ADGRV1: variants seen among roughly 807,000 people sequenced by gnomAD.
ADGRV1 encodes the protein G-protein coupled receptor 98.
Under a neutral mutation model 596.2 loss-of-function variants are expected in ADGRV1, and 359 were observed. That is an observed-to-expected ratio of 0.60 (90% confidence interval 0.55 to 0.66). The LOEUF is 0.66. Ranked by LOEUF, ADGRV1 falls within the 30% of genes least tolerant of loss-of-function variation. ADGRV1 has a pLI of 0.00. For synonymous variants in ADGRV1, 2,681 were observed against 2,679.2 expected (o/e 1.00, Z -0.02); for missense variants, 7,274 against 7,575.6 (o/e 0.96, Z 1.48).
At chr5:91,116,865 C>T (rs1792893227) in intron 87 of ADGRV1, among the ~76,000 whole-genome samples, 1 of 152,092 alleles carries the variant, frequency 6.6e-6, no homozygotes, top group Admixed American at 6.6e-5. Flanking sequence ...TTTAATTTGG[C>T]ATGTGATACT....
intron 87 of ADGRV1, among the ~76,000 whole-genome samples, chr5:91,126,579 C>T (rs1793778112): frequency 1.3e-5 from 2 of 152,290 alleles, no homozygotes; most frequent in East Asian, 1.9e-4. Context: ...AAGGTAAAGC[C>T]GGTACCTCAG....
chr5:91,110,674 A>T (rs748162527), intron 87 of ADGRV1, among the ~76,000 whole-genome samples: 1 of 152,220 alleles, frequency 6.6e-6, no homozygotes, highest in Non-Finnish European at 1.5e-5. Flanking sequence ...AGTAGCCAGC[A>T]GTAATAGACA....
At chr5:90,757,196 T>A in intron 57 of ADGRV1, 35 bp downstream of exon 57, 1 of 1,584,548 alleles carries the variant, frequency 6.3e-7, no homozygotes, top group Non-Finnish European at 8.7e-7. Context: ...CCTTTTTGAG[T>A]TGTGCTTCAG....
intron 74 of ADGRV1, among the ~76,000 whole-genome samples, chr5:90,814,985 T>C (rs1199140141): frequency 4.9e-5 from 2 of 40,984 alleles, no homozygotes; most frequent in African/African-American, 1.4e-4. Flanking sequence ...TGTTCCAGTT[T>C]AAACATTTTT....
chr5:90,603,320 A>C (rs960464416), intron 1 of ADGRV1, among the ~76,000 whole-genome samples: 1 of 152,188 alleles, frequency 6.6e-6, no homozygotes, highest in Non-Finnish European at 1.5e-5. Flanking sequence ...TAAGTTCTCA[A>C]TGTTTCCATC....
chr5:91,103,139 A>T (rs572911757), intron 87 of ADGRV1, among the ~76,000 whole-genome samples: 1 of 152,038 alleles, frequency 6.6e-6, no homozygotes, highest in East Asian at 1.9e-4. Flanking sequence ...TTGAAATGTG[A>T]CTCCAGTCAT....
chr5:90,810,651 G>A lies in ADGRV1; in HGVS notation c.15391G>A (p.Ala5131Thr). The part of the protein sequence containing the change: ...VITILDNDDL[A>T]GMDISFPETT... ...TACAATATTGGATAATGATGACCTGGCAGGAATGGATATTTCCTTCCCCGA... is the reference window on the plus strand; with the variant it reads ...TACAATATTGGATAATGATGACCTGACAGGAATGGATATTTCCTTCCCCGA... The change falls in exon 74 of 90, where the codon GCA becomes ACA. Residue 5131 changes from alanine to threonine, a missense_variant. Ala to Thr is a moderately conservative substitution (Grantham distance 58). Transcript: ENST00000405460. 1.2e-6 allele frequency: 2 copies of A among 1,613,854 alleles called. No homozygotes were observed. The highest frequency in any genetic ancestry group is 2.2e-5 in the South Asian group (2 of 91,076).
chr5:90,604,256 C>G (rs1000583992), intron 1 of ADGRV1, among the ~76,000 whole-genome samples: 3 of 152,080 alleles, frequency 2.0e-5, no homozygotes, highest in African/African-American at 7.2e-5. Context: ...ACACATATCT[C>G]TAGGCATCTG....
At chr5:90,958,748 T>C (rs546299887) in intron 83 of ADGRV1, among the ~76,000 whole-genome samples, 233 of 152,296 alleles carry the variant, frequency 1.5e-3, no homozygotes, top group South Asian at 7.1e-3. Flanking sequence ...TTAGGACCCA[T>C]TCTAAAGACC....
At chr5:90,597,551 A>T (rs1315095961) in intron 1 of ADGRV1, among the ~76,000 whole-genome samples, 1 of 152,146 alleles carries the variant, frequency 6.6e-6, no homozygotes, top group African/African-American at 2.4e-5. Context: ...GCACTGGGAG[A>T]CTTTTACAGG....
intron 1 of ADGRV1, among the ~76,000 whole-genome samples, chr5:90,596,425 A>G (rs536005293): frequency 0.015 from 2,213 of 151,730 alleles, 45 homozygotes; most frequent in African/African-American, 0.051. Context: ...GCACTTTGGG[A>G]GGCCAAGGCA....
chr5:90,821,668 G>C (rs867916711), intron 75 of ADGRV1, among the ~76,000 whole-genome samples: 2,865 of 150,308 alleles, frequency 0.019, 34 homozygotes, highest in Non-Finnish European at 0.024. Flanking sequence ...TGTTGGAATA[G>C]CCTGCCGTGT....
intron 43 of ADGRV1, chr5:90,717,925 A>T (rs967117285): frequency 4.6e-5 from 7 of 152,240 alleles, no homozygotes; most frequent in African/African-American, 1.7e-4. Flanking sequence ...TGTTGGGATT[A>T]AAGGCATGAA....
chr5:90,763,242 C>T, intron 58 of ADGRV1, 63 bp from the exon 59 acceptor site: 2 of 1,202,682 alleles, frequency 1.7e-6, no homozygotes, highest in Non-Finnish European at 1.1e-6. Flanking sequence ...TAAGATTCTA[C>T]TTGTTTATCC....
At chr5:90,707,390 TTAC>T (rs1748744377) in intron 38 of ADGRV1, among the ~76,000 whole-genome samples, 2 of 152,164 alleles carry the variant, frequency 1.3e-5, no homozygotes, top group South Asian at 4.1e-4. Flanking sequence ...TATTTTTCAA[TTAC>T]TATGTATTTT....
chr5:90,759,531 T>A lies in ADGRV1; in HGVS notation c.12063T>A (p.Thr4021=), dbSNP rs1756227084. The A allele has an allele frequency of 1.5e-5, 25 of 1,613,162 alleles. No individual in the cohort carries two copies. Among genetic ancestry groups the A allele is most frequent in the Non-Finnish European group, 2.1e-5 (25 of 1,179,262 alleles). ...GGRLGDDVVV[T]VVIPQNDSPF... The stretch of plus-strand genomic sequence containing the variant: ...GACTTGGTGATGATGTTGTGGTAAC[T>A]GTTGTTATTCCACAAAATGATTCTC... Residue 4021 remains threonine, a synonymous_variant, in exon 58 of 90, where the codon ACT becomes ACA. Transcript: ENST00000405460.
chr5:90,748,728 G>C (rs1754907624), intron 52 of ADGRV1, among the ~76,000 whole-genome samples: 1 of 151,722 alleles, frequency 6.6e-6, no homozygotes. Context: ...GAAAATTGCA[G>C]CTCCCCACCA....
In ADGRV1 at chr5:90,829,119, T is replaced by C. The variant is rs777748953; in HGVS notation, c.16544T>C (p.Leu5515Ser). 22 of 1,612,030 alleles carry C rather than the reference T, an allele frequency of 1.4e-5. No individual in the cohort carries two copies. In the South Asian group the frequency reaches 2.4e-4, roughly 18 times the overall value. ...GCAGTGGCTCACAAGAAGGCCACTT[T>C]AATCAGTCTGCAGGTGGCCAGAGAT... is the stretch of plus-strand genomic sequence containing the variant. The part of the protein sequence containing the change: ...RLAVAHKKAT[L>S]ISLQVARDSG... The change falls in exon 77 of 90, where the codon TTA (leucine) becomes TCA (serine). Residue 5515 changes from leucine (L) to serine (S), a missense_variant. This residue lies in a region of ADGRV1 where 1,874 missense variants were observed against 1,970.2 expected (regional missense o/e 0.95). Transcript: ENST00000405460.
At chr5:91,129,410 G>A (rs1794028450) in intron 87 of ADGRV1, among the ~76,000 whole-genome samples, 1 of 152,026 alleles carries the variant, frequency 6.6e-6, no homozygotes, top group Non-Finnish European at 1.5e-5. Flanking sequence ...TGATGGGTAG[G>A]GTATAGTACT....
Sources: allele counts gnomAD v4.1 joint callset (sites outside exome capture counted in the v4.1 genomes callset), GRCh38; gene constraint gnomAD v4.1.1; regional missense constraint gnomAD v4.1.1; transcripts MANE v1.5; gene names NCBI Gene and HGNC (gene_info 2026-07-23, HGNC 2026-07-21).